CNTNAP2: variants seen among roughly 807,000 people sequenced by gnomAD.
CNTNAP2 encodes contactin associated protein 2, also known as contactin-associated protein-like 2.
Under a neutral mutation model 155.2 loss-of-function variants are expected in CNTNAP2, and 98 were observed. The observed-to-expected ratio is 0.63, with a 90% CI of 0.54 to 0.75. The LOEUF (loss-of-function observed/expected upper bound fraction) is 0.75, where lower values mean the gene tolerates loss of function less well. Ranked by LOEUF, CNTNAP2 falls within the 30% of genes least tolerant of loss-of-function variation. The pLI is 0.00. For missense variants in CNTNAP2, 1,727 were observed against 1,688.1 expected, an observed-to-expected ratio of 1.02 and a Z score of -0.40; for synonymous variants, 651 against 631.2, an observed-to-expected ratio of 1.03 and a Z score of -0.47.
intron 15 of CNTNAP2, among the ~76,000 whole-genome samples, chr7:148,035,529 C>G (rs1011034549): frequency 2.0e-5 from 3 of 152,170 alleles, no homozygotes; most frequent in African/African-American, 7.2e-5. Flanking sequence ...TAAGGGTAAT[C>G]TTTGGTGGTA....
At chr7:147,340,700 T>C (rs2116858950) in intron 9 of CNTNAP2, among the ~76,000 whole-genome samples, 1 of 152,308 alleles carries the variant, frequency 6.6e-6, no homozygotes, top group East Asian at 1.9e-4. Flanking sequence ...TAACAAATAA[T>C]GGTAATTATT....
At chr7:146,972,711 A>C (rs1422388991) in intron 3 of CNTNAP2, among the ~76,000 whole-genome samples, 1 of 152,172 alleles carries the variant, frequency 6.6e-6, no homozygotes, top group East Asian at 1.9e-4. Flanking sequence ...AGAAGTTTGG[A>C]GGTAAATGTT....
chr7:148,276,916 G>C (rs768950584), intron 21 of CNTNAP2, among the ~76,000 whole-genome samples: 1 of 152,216 alleles, frequency 6.6e-6, no homozygotes, highest in Non-Finnish European at 1.5e-5. Flanking sequence ...GTCTGATGAT[G>C]TCGTATTCCT....
At chr7:146,547,873 C>T (rs548088791) in intron 1 of CNTNAP2, among the ~76,000 whole-genome samples, 23 of 150,172 alleles carry the variant, frequency 1.5e-4, no homozygotes, top group African/African-American at 4.9e-4. Flanking sequence ...AACCTTAATA[C>T]GGTTTCCGTA....
intron 3 of CNTNAP2, among the ~76,000 whole-genome samples, chr7:146,988,253 T>G (rs534669405): frequency 7.2e-5 from 11 of 152,212 alleles, no homozygotes; most frequent in African/African-American, 2.6e-4. Context: ...ATTTTTGAAT[T>G]CTAGAATTCA....
chr7:146,150,758 A>C (rs1320160163), intron 1 of CNTNAP2, among the ~76,000 whole-genome samples: 1 of 152,068 alleles, frequency 6.6e-6, no homozygotes, highest in Non-Finnish European at 1.5e-5. Flanking sequence ...TGAATGAAAA[A>C]TTATTTTAGA....
intron 1 of CNTNAP2, among the ~76,000 whole-genome samples, chr7:146,642,508 A>C (rs1031315441): frequency 6.6e-6 from 1 of 151,830 alleles, no homozygotes; most frequent in African/African-American, 2.4e-5. Flanking sequence ...TTATGGCTGC[A>C]TGGTATTCCA....
chr7:146,970,558 A>G (rs1347470030), intron 3 of CNTNAP2, among the ~76,000 whole-genome samples: 1 of 152,192 alleles, frequency 6.6e-6, no homozygotes, highest in East Asian at 1.9e-4. Flanking sequence ...AAGTCAGGAA[A>G]CAACAGGTGC....
At chr7:146,928,001 T>A (rs1585162140) in intron 3 of CNTNAP2, among the ~76,000 whole-genome samples, 2 of 150,558 alleles carry the variant, frequency 1.3e-5, no homozygotes, top group South Asian at 4.2e-4. Flanking sequence ...TATATGCATA[T>A]AATTTTCCTT....
chr7:148,318,226 T>C (rs1161382358), intron 21 of CNTNAP2, among the ~76,000 whole-genome samples: 2 of 152,184 alleles, frequency 1.3e-5, no homozygotes, highest in Non-Finnish European at 2.9e-5. Context: ...CCTGAGCTAG[T>C]TGGCTCACAA....
chr7:147,879,642 G>A (rs1261754636), intron 13 of CNTNAP2, among the ~76,000 whole-genome samples: 2 of 152,150 alleles, frequency 1.3e-5, no homozygotes, highest in Non-Finnish European at 2.9e-5. Flanking sequence ...ATGGCAAGAG[G>A]AGCTTTGAAT....
intron 12 of CNTNAP2, among the ~76,000 whole-genome samples, chr7:147,636,129 C>T (rs184592482): frequency 1.5e-3 from 231 of 151,888 alleles, no homozygotes; most frequent in Non-Finnish European, 2.7e-3. Context: ...ATCAGAAGAA[C>T]TAAAGGAAGG....
At chr7:147,238,547 T>G (rs1027898254) in intron 8 of CNTNAP2, among the ~76,000 whole-genome samples, 10 of 152,154 alleles carry the variant, frequency 6.6e-5, no homozygotes, top group African/African-American at 2.4e-4. Context: ...AATTTTCATT[T>G]TGTTTTTTTT....
At chr7:148,379,606 A>G (rs918649250) in intron 21 of CNTNAP2, among the ~76,000 whole-genome samples, 3 of 151,772 alleles carry the variant, frequency 2.0e-5, no homozygotes, top group East Asian at 1.9e-4. Flanking sequence ...CAGCTACTCA[A>G]AGAGGCTGAG....
chr7:146,573,691 C>T (rs1322932244), intron 1 of CNTNAP2, among the ~76,000 whole-genome samples: 1 of 152,172 alleles, frequency 6.6e-6, no homozygotes, highest in East Asian at 1.9e-4. Context: ...GTTATTTTTA[C>T]TTATCAAGCT....
At chr7:148,345,535 T>G (rs1262797554) in intron 21 of CNTNAP2, among the ~76,000 whole-genome samples, 1 of 152,050 alleles carries the variant, frequency 6.6e-6, no homozygotes, top group African/African-American at 2.4e-5. Context: ...ACTCATTTTT[T>G]GTATTTTTAC....
intron 1 of CNTNAP2, among the ~76,000 whole-genome samples, chr7:146,321,465 G>A (rs552811963): frequency 3.9e-5 from 6 of 152,178 alleles, no homozygotes; most frequent in African/African-American, 1.4e-4. Flanking sequence ...TTGCCTGAGT[G>A]CTTCACTGAG....
At chr7:147,837,105 C>T (rs192504008) in intron 13 of CNTNAP2, among the ~76,000 whole-genome samples, 20 of 152,212 alleles carry the variant, frequency 1.3e-4, no homozygotes, top group South Asian at 6.2e-4. Context: ...TGTTGGGTAC[C>T]GTATTAGTCC....
chr7:146,744,249 AAAG>A (rs1801771904), intron 1 of CNTNAP2, among the ~76,000 whole-genome samples: 1 of 150,978 alleles, frequency 6.6e-6, no homozygotes, highest in Non-Finnish European at 1.5e-5. Context: ...AAAAAAAAAA[AAAG>A]CATTTAGATT....
Sources: allele counts gnomAD v4.1 joint callset (sites outside exome capture counted in the v4.1 genomes callset), GRCh38; gene constraint gnomAD v4.1.1; transcripts MANE v1.5; gene names NCBI Gene and HGNC (gene_info 2026-07-23, HGNC 2026-07-21).